SLC4A7: variants seen among roughly 807,000 people sequenced by gnomAD.
SLC4A7 encodes solute carrier family 4 member 7, also known as sodium bicarbonate cotransporter 3.
In SLC4A7, 51 loss-of-function variants were observed where a neutral mutation model predicts 137.6. The ratio of observed to expected loss-of-function variants is 0.37; its 90% CI spans 0.30 to 0.47. The LOEUF (loss-of-function observed/expected upper bound fraction) is 0.47, where lower values mean the gene tolerates loss of function less well. Ranked by LOEUF, SLC4A7 falls within the 20% of genes least tolerant of loss-of-function variation. The pLI is 1.00. For synonymous variants in SLC4A7, 542 were observed against 518.6 expected (o/e 1.05, Z -0.61); for missense variants, 1,247 against 1,525.4 (o/e 0.82, Z 3.04).
intron 1 of SLC4A7, among the ~76,000 whole-genome samples, chr3:27,469,353 G>A (rs561610483): frequency 1.3e-5 from 2 of 152,160 alleles, no homozygotes; most frequent in Non-Finnish European, 2.9e-5. Flanking sequence ...CACAGGTTGA[G>A]GGCTCAGTCA....
intron 22 of SLC4A7, 29 bp from the exon 23 acceptor site, chr3:27,386,052 G>C (rs2050910163): frequency 6.4e-7 from 1 of 1,561,650 alleles, no homozygotes; most frequent in Non-Finnish European, 8.7e-7. Context: ...GAAATATTAA[G>C]TAACACATAA....
At chr3:27,483,497 T>C (rs1323174838) in intron 1 of SLC4A7, among the ~76,000 whole-genome samples, 2 of 152,070 alleles carry the variant, frequency 1.3e-5, no homozygotes, top group African/African-American at 4.8e-5. Context: ...GCGCGGCCAG[T>C]CCACGCGGCC....
At chr3:27,463,105 A>G (rs1693882397) in intron 1 of SLC4A7, among the ~76,000 whole-genome samples, 1 of 151,614 alleles carries the variant, frequency 6.6e-6, no homozygotes, top group Non-Finnish European at 1.5e-5. Context: ...AGCCTGGCCA[A>G]CATGGCGAAA....
chr3:27,384,710 C>T (rs1452646848), intron 23 of SLC4A7, among the ~76,000 whole-genome samples: 2 of 152,072 alleles, frequency 1.3e-5, no homozygotes, highest in Non-Finnish European at 2.9e-5. Flanking sequence ...CGTCTATAAT[C>T]CCAGCACTGT....
At chr3:27,473,476 G>C (rs1170161374) in intron 1 of SLC4A7, among the ~76,000 whole-genome samples, 1 of 151,908 alleles carries the variant, frequency 6.6e-6, no homozygotes, top group African/African-American at 2.4e-5. Flanking sequence ...CCAGCACTTT[G>C]GGAGGTCAAG....
At chr3:27,397,903 A>T in intron 17 of SLC4A7, 106 bp from the exon 18 acceptor site, 1 of 665,460 alleles carries the variant, frequency 1.5e-6, no homozygotes. Context: ...GTACAAATGG[A>T]GCTTTTAACT....
chr3:27,470,750 G>A (rs1462955981), intron 1 of SLC4A7, among the ~76,000 whole-genome samples: 1 of 151,682 alleles, frequency 6.6e-6, no homozygotes, highest in Non-Finnish European at 1.5e-5. Flanking sequence ...AGACCATCCT[G>A]GCTAACACAG....
At chr3:27,456,657 C>T (rs1362640043) in intron 1 of SLC4A7, 1 of 1,601,460 alleles carries the variant, frequency 6.2e-7, no homozygotes, top group Non-Finnish European at 8.5e-7. Flanking sequence ...ATACAGGTAA[C>T]TTCTTCTCCA....
At position 27,373,640 on chromosome 3, in the gene SLC4A7, G is replaced by A. The variant is rs2049711338; in HGVS notation, c.*3124C>T. On this transcript the variant is annotated 3_prime_UTR_variant, in exon 26 of 26. Coordinates refer to ENST00000454389, the MANE Select transcript of SLC4A7 (RefSeq NM_001321103.2). ...CATCATATAATCCTTTAAACAGCAA[G>A]CTCTGGTGTTATACCTCAGTTTCAG... 1 of 152,086 alleles carries A rather than the reference G, an allele frequency of 6.6e-6. No individual in the cohort carries two copies. The allele number at this position is 152,086 out of a possible 1,614,324, so 9.4% of individuals were successfully genotyped here.
chr3:27,440,315 C>A (rs1044412621), intron 3 of SLC4A7, among the ~76,000 whole-genome samples: 5 of 152,170 alleles, frequency 3.3e-5, no homozygotes, highest in African/African-American at 1.2e-4. Flanking sequence ...GTCACTGTAG[C>A]CACTTGCTTC....
intron 3 of SLC4A7, among the ~76,000 whole-genome samples, chr3:27,441,012 A>T (rs7646785): frequency 0.53 from 80,957 of 151,956 alleles, 21,857 homozygotes; most frequent in Middle Eastern, 0.6. Flanking sequence ...ATCATCGCAC[A>T]CCAGCCTGGG....
chr3:27,452,515 C>G lies in SLC4A7; in HGVS notation c.61-17G>C, dbSNP rs1485534506. On this transcript the variant is annotated splice_polypyrimidine_tract_variant and intron_variant, in intron 1 of 25. Transcript: ENST00000454389. ...ATCAGGACCCTAAAAACAAATTATT[C>G]TCATTGACTCATGAGATCACAATCT... 2 of 1,561,926 alleles carry G rather than the reference C, an allele frequency of 1.3e-6. No homozygotes were observed. Among genetic ancestry groups the G allele is most frequent in the Non-Finnish European group, 1.7e-6 (2 of 1,147,140 alleles).
intron 1 of SLC4A7, among the ~76,000 whole-genome samples, chr3:27,477,901 C>T (rs537760395): frequency 6.6e-6 from 1 of 152,298 alleles, no homozygotes; most frequent in Admixed American, 6.5e-5. Context: ...AGGCATGAGC[C>T]ACCGCGCCCG....
Position 27,418,603 on chromosome 3 carries a change from T to C in SLC4A7, c.1542A>G (p.Lys514=). ...EIFHDVAYKA[K]DRNDLLSGID... ...TTCCAGATAAGAGGTCATTTCTGTC[T>C]TTTGCTTTATAAGCTACATCATGGA... is the stretch of plus-strand genomic sequence containing the variant. Residue 514 remains lysine, a synonymous_variant, in exon 11 of 26, where the codon AAA becomes AAG. Transcript: ENST00000454389. 1 of 1,595,398 alleles carries C rather than the reference T, an allele frequency of 6.3e-7. No individual in the cohort carries two copies.
chr3:27,397,507 C>T (rs1042634208), intron 18 of SLC4A7, among the ~76,000 whole-genome samples, 177 bp downstream of exon 18: 1 of 151,912 alleles, frequency 6.6e-6, no homozygotes, highest in African/African-American at 2.4e-5. Context: ...CTTTTCTGTC[C>T]ATATTGTCAT....
Position 27,385,988 on chromosome 3 carries a change from G to A in SLC4A7, c.3396C>T (p.Asp1132=). 1 of 1,608,526 alleles carries A rather than the reference G, an allele frequency of 6.2e-7. No individual in the cohort carries two copies. The highest frequency in any genetic ancestry group is 8.5e-7 in the Non-Finnish European group (1 of 1,177,648). Residue 1132 remains aspartate (D), a synonymous_variant, in exon 23 of 26, where the codon GAC becomes GAT. Transcript: ENST00000454389. The part of the protein sequence containing the change: ...LALVFVRKLM[D]LCFTKRELSW... ...TAAGTTCTCTCTTCGTGAAACACAG[G>A]TCCATGAGTTTGCGCACAAACACTA... is the stretch of plus-strand genomic sequence containing the variant.
At chr3:27,460,315 T>C (rs56711709) in intron 1 of SLC4A7, among the ~76,000 whole-genome samples, 44,176 of 152,056 alleles carry the variant, frequency 0.29, 8,176 homozygotes, top group East Asian at 0.74. Flanking sequence ...GGATTATAGG[T>C]GTGAGCCACT....
rs557814781 is a variant in SLC4A7, at chr3:27,477,473, A to G, written c.60+6594T>C. The stretch of plus-strand genomic sequence containing the variant: ...GATCTGAACCCACGGTTGATACCAA[A>G]CCACTGCTCGTCCCCTTCTCTTCTG... On this transcript the variant is annotated intron_variant, in intron 1 of 25. Transcript: ENST00000454389. 6.0e-4 allele frequency among the ~76,000 whole-genome samples: 92 copies of G among 152,314 alleles called. 1 individual carries two copies. Among genetic ancestry groups the G allele is most frequent in the Non-Finnish European group, 8.5e-4 (58 of 68,022 alleles).
At chr3:27,444,225 T>C (rs1269969876) in intron 3 of SLC4A7, among the ~76,000 whole-genome samples, 3 of 152,176 alleles carry the variant, frequency 2.0e-5, no homozygotes, top group African/African-American at 4.8e-5. Context: ...TCTGCACCTG[T>C]TGTTATATGC....
Sources: gnomAD v4.1 joint callset for allele counts (sites outside exome capture counted in the v4.1 genomes callset) on GRCh38, gnomAD v4.1.1 for gene constraint, MANE v1.5 for transcripts, NCBI Gene and HGNC (gene_info 2026-07-23, HGNC 2026-07-21) for gene names.